The following NEK10 variants were observed in gnomAD, a reference collection of about 807,000 sequenced individuals.
NEK10 encodes the protein NIMA related kinase 10.
A neutral mutation model predicts 159.8 loss-of-function variants in NEK10; 122 were observed. The ratio of observed to expected loss-of-function variants is 0.76; its 90% CI spans 0.66 to 0.89. The LOEUF (loss-of-function observed/expected upper bound fraction) is 0.89, where lower values mean the gene tolerates loss of function less well. Among genes scored for constraint, NEK10 ranks in the 40% least tolerant of loss-of-function variants. The pLI, the probability that NEK10 is intolerant of heterozygous loss-of-function variation, is 0.00. For synonymous variants in NEK10, 466 were observed against 457.1 expected (o/e 1.02, Z -0.25); for missense variants, 1,342 against 1,323.1 (o/e 1.01, Z -0.22).
intron 20 of NEK10, among the ~76,000 whole-genome samples, chr3:27,286,725 T>TA (rs909699259): frequency 6.6e-6 from 1 of 151,974 alleles, no homozygotes; most frequent in African/African-American, 2.4e-5. Context: ...TGTCAGGTAG[T>TA]AAAAAACGTT....
intron 32 of NEK10, among the ~76,000 whole-genome samples, chr3:27,130,267 C>A (rs996651509): frequency 6.6e-6 from 1 of 152,094 alleles, no homozygotes; most frequent in East Asian, 1.9e-4. Flanking sequence ...TGAGTCTATT[C>A]CTGAGGGTTC....
At chr3:27,204,301 G>GTTTTTTTTTTTTT (rs567092116) in intron 23 of NEK10, among the ~76,000 whole-genome samples, 18 of 66,344 alleles carry the variant, frequency 2.7e-4, no homozygotes, top group Non-Finnish European at 3.9e-4. Flanking sequence ...TTTTGTTGTT[G>GTTTTTTTTTTTTT]TTTTTTTTTT....
At chr3:27,214,144 C>A (rs897131678) in intron 23 of NEK10, among the ~76,000 whole-genome samples, 4 of 152,218 alleles carry the variant, frequency 2.6e-5, no homozygotes, top group Non-Finnish European at 5.9e-5. Context: ...ATGAATCCCA[C>A]CCACGCCACT....
intron 23 of NEK10, among the ~76,000 whole-genome samples, chr3:27,221,070 G>A (rs1245929644): frequency 6.6e-6 from 1 of 152,120 alleles, no homozygotes; most frequent in Non-Finnish European, 1.5e-5. Context: ...TAAAACTTAT[G>A]GAAGAAAATA....
At chr3:27,176,354 T>G (rs977661453) in intron 26 of NEK10, among the ~76,000 whole-genome samples, 1 of 152,206 alleles carries the variant, frequency 6.6e-6, no homozygotes, top group African/African-American at 2.4e-5. Flanking sequence ...TCTGAGTTGT[T>G]AATTTCTGCT....
Position 27,365,610 on chromosome 3 carries a change from G to GTTTTT in NEK10, c.-38+3610_-38+3614dup, listed in dbSNP as rs71091129. On this transcript the variant is annotated intron_variant, in intron 1 of 35. Coordinates refer to ENST00000691995, the MANE Select transcript of NEK10 (RefSeq NM_001394966.1). Reference sequence around the variant, plus strand: ...TTGGTTTTTTGTGTTTTTTTTTTGTGTTTTTTTTTTTTTTTTTTTTGAGAT... The same window carrying GTTTTT: ...TTGGTTTTTTGTGTTTTTTTTTTGTGTTTTTTTTTTTTTTTTTTTTTTTTTGAGAT... Among the ~76,000 whole-genome samples the GTTTTT allele has an allele frequency of 4.0e-3, 392 of 99,012 alleles. 11 individuals carry two copies. The highest frequency in any genetic ancestry group is 6.7e-3 in the East Asian group (20 of 2,976). 65.0% of individuals were successfully genotyped at this position (99,012 alleles called of 152,430 possible). A position where few individuals can be genotyped will look rare whatever the true frequency, so the allele number is the denominator to read the frequency against.
intron 13 of NEK10, among the ~76,000 whole-genome samples, chr3:27,300,657 A>G (rs1384284194): frequency 6.6e-6 from 1 of 152,090 alleles, no homozygotes; most frequent in Admixed American, 6.6e-5. Context: ...TCACTCTCCT[A>G]TAATTCCACA....
At chr3:27,264,508 G>T (rs2040712311) in intron 22 of NEK10, among the ~76,000 whole-genome samples, 1 of 152,158 alleles carries the variant, frequency 6.6e-6, no homozygotes, top group Non-Finnish European at 1.5e-5. Flanking sequence ...ATCAGTGTGA[G>T]TTCAATAGAA....
chr3:27,167,558 A>G (rs1465526149), intron 29 of NEK10, among the ~76,000 whole-genome samples: 1 of 152,230 alleles, frequency 6.6e-6, no homozygotes, highest in African/African-American at 2.4e-5. Context: ...TTGAAATAAC[A>G]TGCTATGACT....
At chr3:27,233,384 T>C (rs1379959973) in intron 23 of NEK10, among the ~76,000 whole-genome samples, 1 of 151,612 alleles carries the variant, frequency 6.6e-6, no homozygotes, top group Non-Finnish European at 1.5e-5. Flanking sequence ...TAAAACGTTT[T>C]TTTAAAAAAT....
chr3:27,190,280 TA>T (rs1948999350), intron 26 of NEK10, among the ~76,000 whole-genome samples: 3 of 152,158 alleles, frequency 2.0e-5, no homozygotes, highest in Admixed American at 2.0e-4. Context: ...TCTATATTTC[TA>T]AAGCTAAAAT....
At chr3:27,226,194 G>C (rs1223964110) in intron 23 of NEK10, among the ~76,000 whole-genome samples, 1 of 143,992 alleles carries the variant, frequency 6.9e-6, no homozygotes. Flanking sequence ...ACTACGCCCG[G>C]CTATTTTTTT....
At chr3:27,331,228 A>G (rs1217304679) in intron 5 of NEK10, among the ~76,000 whole-genome samples, 2 of 134,944 alleles carry the variant, frequency 1.5e-5, no homozygotes, top group Non-Finnish European at 3.2e-5. Context: ...ATAAAGTAAG[A>G]CTCTGTCTCA....
At chr3:27,128,308 A>G (rs973670692) in intron 32 of NEK10, among the ~76,000 whole-genome samples, 1 of 152,206 alleles carries the variant, frequency 6.6e-6, no homozygotes, top group African/African-American at 2.4e-5. Context: ...GCTTTTAGCA[A>G]GAATATTTCA....
intron 22 of NEK10, among the ~76,000 whole-genome samples, chr3:27,266,665 C>G (rs141867944): frequency 1.3e-5 from 2 of 152,186 alleles, no homozygotes; most frequent in Non-Finnish European, 2.9e-5. Flanking sequence ...AGCATCAAAT[C>G]CACCCTTCAT....
At chr3:27,264,899 A>C (rs2040755520) in intron 22 of NEK10, among the ~76,000 whole-genome samples, 1 of 57,440 alleles carries the variant, frequency 1.7e-5, no homozygotes, top group South Asian at 5.0e-4. Context: ...AGTCTAAATA[A>C]ATAAATAAAT....
chr3:27,129,472 G>A (rs1402748098), intron 32 of NEK10, among the ~76,000 whole-genome samples: 2 of 152,104 alleles, frequency 1.3e-5, no homozygotes, highest in Admixed American at 6.6e-5. Flanking sequence ...CACAGGGAAT[G>A]AAAAATCCAT....
intron 6 of NEK10, among the ~76,000 whole-genome samples, chr3:27,315,592 T>G (rs1451909183): frequency 6.6e-6 from 1 of 152,168 alleles, no homozygotes; most frequent in Non-Finnish European, 1.5e-5. Flanking sequence ...AAAATTAAAA[T>G]AACATTTAAA....
rs914037369 is a variant in NEK10, at chr3:27,108,669, C to G, written c.*2603G>C. ...GAGAAAGGGAAAAAATATATAAATG[C>G]AATCAAGAAAAGATTAAGAGGTCTA... On this transcript the variant is annotated 3_prime_UTR_variant, in exon 36 of 36. Transcript: ENST00000691995. Among the ~76,000 whole-genome samples, 1 of 152,096 alleles carries G rather than the reference C, an allele frequency of 6.6e-6. No homozygotes were observed. Among genetic ancestry groups the G allele is most frequent in the African/African-American group, 2.4e-5 (1 of 41,416 alleles).
Sources: gnomAD v4.1 joint callset for allele counts (sites outside exome capture counted in the v4.1 genomes callset) on GRCh38, gnomAD v4.1.1 for gene constraint, MANE v1.5 for transcripts, NCBI Gene and HGNC (gene_info 2026-07-23, HGNC 2026-07-21) for gene names.